ODAD2: variants seen among roughly 807,000 people sequenced by gnomAD.
ODAD2 encodes outer dynein arm docking complex subunit 2.
Under a neutral mutation model 106.8 loss-of-function variants are expected in ODAD2, and 89 were observed. That is an observed-to-expected ratio of 0.83 (90% CI 0.70 to 0.99). ODAD2 has a LOEUF of 0.99. Among genes scored for constraint, ODAD2 ranks in the 50% least tolerant of loss-of-function variants. The pLI is 0.00. For synonymous variants in ODAD2, 404 were observed against 436.2 expected (o/e 0.93, Z 0.92); for missense variants, 1,168 against 1,238.5 (o/e 0.94, Z 0.85).
chr10:27,834,142 A>G (rs6481484), intron 19 of ODAD2, among the ~76,000 whole-genome samples: 5 of 152,034 alleles, frequency 3.3e-5, no homozygotes, highest in Non-Finnish European at 7.4e-5. Flanking sequence ...GACAAGTCCT[A>G]TGAATGCATT....
Position 27,944,833 on chromosome 10 carries a change from C to A in ODAD2, c.1516G>T (p.Asp506Tyr), listed in dbSNP as rs185614747. 6.2e-7 allele frequency: 1 copy of A among 1,613,988 alleles called. No individual in the cohort carries two copies. The highest frequency in any genetic ancestry group is 1.7e-5 in the Admixed American group (1 of 59,996). Residue 506 changes from aspartate (D) to tyrosine (Y), a missense_variant, in exon 11 of 20, where the codon GAT becomes TAT. Coordinates refer to ENST00000305242, the MANE Select transcript of ODAD2 (RefSeq NM_018076.5). ...CCACTCACCTTACATTTGACTTCATCGGTTTCAAGCAAATTTATCAGCACT... is the reference window on the plus strand; with the variant it reads ...CCACTCACCTTACATTTGACTTCATAGGTTTCAAGCAAATTTATCAGCACT... ...LEVLINLLET[D>Y]EVKCKIGSLK...
At chr10:27,838,661 TG>T (rs1838081790) in intron 19 of ODAD2, among the ~76,000 whole-genome samples, 1 of 152,244 alleles carries the variant, frequency 6.6e-6, no homozygotes, top group Admixed American at 6.5e-5. Flanking sequence ...CTATAGCATC[TG>T]CCAGATTCCT....
intron 16 of ODAD2, among the ~76,000 whole-genome samples, chr10:27,912,680 T>A: frequency 6.6e-6 from 1 of 152,210 alleles, no homozygotes; most frequent in East Asian, 1.9e-4. Context: ...ATTACACTGA[T>A]AAATACCATT....
chr10:27,826,428 C>G (rs527398229), intron 19 of ODAD2, among the ~76,000 whole-genome samples: 5 of 152,298 alleles, frequency 3.3e-5, no homozygotes, highest in African/African-American at 1.2e-4. Flanking sequence ...TTCTCCACAG[C>G]AGCTATTTAA....
intron 19 of ODAD2, among the ~76,000 whole-genome samples, chr10:27,826,493 T>C (rs953772709): frequency 6.6e-5 from 10 of 152,122 alleles, no homozygotes; most frequent in African/African-American, 2.4e-4. Flanking sequence ...TCCCTCACTC[T>C]CAAGCATATG....
chr10:27,854,666 G>T (rs192103013), intron 19 of ODAD2, among the ~76,000 whole-genome samples: 46 of 152,272 alleles, frequency 3.0e-4, no homozygotes, highest in African/African-American at 1.1e-3. Context: ...TGAGGCATGA[G>T]AATTGCTTGA....
intron 17 of ODAD2, among the ~76,000 whole-genome samples, chr10:27,875,036 T>G (rs1314710356): frequency 6.6e-6 from 1 of 152,224 alleles, no homozygotes; most frequent in Non-Finnish European, 1.5e-5. Flanking sequence ...CCATATTTCT[T>G]GGAGGCTTTG....
chr10:27,866,469 C>G lies in ODAD2; in HGVS notation c.2611-3847G>C, dbSNP rs983542120. On this transcript the variant is annotated intron_variant, in intron 17 of 19. Coordinates refer to ENST00000305242, the MANE Select transcript of ODAD2 (RefSeq NM_018076.5). ...TCAGGGGACTTCAAAAGCATAGCCCCAAAGCTCAACTTTTCCAAGGATCAT... is the reference window on the plus strand; with the variant it reads ...TCAGGGGACTTCAAAAGCATAGCCCGAAAGCTCAACTTTTCCAAGGATCAT... Among the ~76,000 whole-genome samples, 12 of 152,216 alleles carry G rather than the reference C, an allele frequency of 7.9e-5. No individual in the cohort carries two copies. In the Middle Eastern group the frequency reaches 0.01, roughly 129 times the overall value.
At chr10:27,825,516 A>G (rs1031346313) in intron 19 of ODAD2, among the ~76,000 whole-genome samples, 4 of 152,204 alleles carry the variant, frequency 2.6e-5, no homozygotes, top group Admixed American at 1.3e-4. Flanking sequence ...AATTGCTGCA[A>G]TGTATATGTC....
chr10:27,846,083 T>C (rs997529094), intron 19 of ODAD2, among the ~76,000 whole-genome samples: 10 of 152,124 alleles, frequency 6.6e-5, no homozygotes, highest in East Asian at 5.8e-4. Context: ...CTAATAGACA[T>C]CCACAGAACT....
intron 19 of ODAD2, among the ~76,000 whole-genome samples, chr10:27,836,575 C>T (rs998792424): frequency 6.6e-6 from 1 of 152,156 alleles, no homozygotes; most frequent in Non-Finnish European, 1.5e-5. Context: ...ATAAAAAGTA[C>T]ATTAGAAACC....
At position 27,943,393 on chromosome 10, in the gene ODAD2, T is replaced by C. The variant is rs540521760; in HGVS notation, c.1743+829A>G. 1.2e-4 allele frequency among the ~76,000 whole-genome samples: 18 copies of C among 152,234 alleles called. No homozygotes were observed. In the South Asian group the frequency reaches 3.7e-3, roughly 32 times the overall value. On this transcript the variant is annotated intron_variant, in intron 12 of 19. Transcript: ENST00000305242. ...TTCTAGTGGTTTTTTTTAAAGATGG[T>C]AGGTACATCTTTAAAAACTGGGATC...
chr10:27,833,677 C>T (rs979405034), intron 19 of ODAD2, among the ~76,000 whole-genome samples: 1 of 152,170 alleles, frequency 6.6e-6, no homozygotes, highest in African/African-American at 2.4e-5. Flanking sequence ...CAACAAATAT[C>T]TGCTATGTTC....
intron 17 of ODAD2, among the ~76,000 whole-genome samples, chr10:27,883,670 A>T (rs1841891721): frequency 1.3e-5 from 2 of 152,284 alleles, no homozygotes; most frequent in Middle Eastern, 3.4e-3. Flanking sequence ...TTTGAGAAAA[A>T]CTTTTCAGGA....
At chr10:27,924,048 G>GAGAA (rs373693559) in intron 16 of ODAD2, among the ~76,000 whole-genome samples, 2,247 of 126,902 alleles carry the variant, frequency 0.018, 240 homozygotes, top group African/African-American at 0.057. Flanking sequence ...AAGAAGGAAA[G>GAGAA]AGAAAGAAAG....
intron 16 of ODAD2, among the ~76,000 whole-genome samples, chr10:27,919,142 C>G (rs886986642): frequency 6.6e-6 from 1 of 151,882 alleles, no homozygotes; most frequent in Non-Finnish European, 1.5e-5. Context: ...GAAATAGACC[C>G]ATTCATTTAC....
At chr10:27,962,346 T>C (rs906015496) in intron 9 of ODAD2, among the ~76,000 whole-genome samples, 10 of 152,240 alleles carry the variant, frequency 6.6e-5, no homozygotes, top group African/African-American at 2.4e-4. Context: ...TTTCAAGTGC[T>C]CAATGGCCCA....
chr10:27,934,796 C>T (rs1479380260), intron 16 of ODAD2, among the ~76,000 whole-genome samples: 1 of 152,166 alleles, frequency 6.6e-6, no homozygotes. Flanking sequence ...TATTGTAAAT[C>T]CTCCCAATAT....
At position 27,827,379 on chromosome 10, in the gene ODAD2, CTATATATAT is replaced by C. The variant is rs1490272831; in HGVS notation, c.3022-14763_3022-14755del. On this transcript the variant is annotated intron_variant, in intron 19 of 19. Coordinates refer to ENST00000305242, the MANE Select transcript of ODAD2 (RefSeq NM_018076.5). ...AGACACACACATACACACACACACA[CTATATATAT>C]ATATATATATATATATATATATATT... is the stretch of plus-strand genomic sequence containing the variant. 0.02 allele frequency among the ~76,000 whole-genome samples: 2,639 copies of C among 132,460 alleles called. 166 individuals carry two copies. In the East Asian group the frequency reaches 0.2, roughly 10 times the overall value. 86.9% of individuals were successfully genotyped at this position (132,460 alleles called of 152,430 possible).
Sources: allele counts gnomAD v4.1 joint callset (sites outside exome capture counted in the v4.1 genomes callset), GRCh38; gene constraint gnomAD v4.1.1; transcripts MANE v1.5; gene names NCBI Gene and HGNC (gene_info 2026-07-23, HGNC 2026-07-21).